DNAJC24: variants seen among roughly 807,000 people sequenced by gnomAD.
DNAJC24 encodes the protein DnaJ heat shock protein family (Hsp40) member C24.
In DNAJC24, 17 loss-of-function variants were observed where a neutral mutation model predicts 18.0. That is an observed-to-expected ratio of 0.94 (90% CI 0.65 to 1.42). The LOEUF (loss-of-function observed/expected upper bound fraction) is 1.42, where lower values mean the gene tolerates loss of function less well. DNAJC24 is among the 40% of genes most tolerant of loss of function. The pLI, the probability that DNAJC24 is intolerant of heterozygous loss-of-function variation, is 0.00. For synonymous variants in DNAJC24, 55 were observed against 57.7 expected, an observed-to-expected ratio of 0.95 and a Z score of 0.21; for missense variants, 158 against 175.6, an observed-to-expected ratio of 0.90 and a Z score of 0.57.
At chr11:31,373,308 G>A (rs1433455950) in intron 2 of DNAJC24, among the ~76,000 whole-genome samples, 1 of 134,334 alleles carries the variant, frequency 7.4e-6, no homozygotes, top group Non-Finnish European at 1.7e-5. Flanking sequence ...TTAGACTTAT[G>A]ATTTCTGTGT....
intron 3 of DNAJC24, among the ~76,000 whole-genome samples, chr11:31,421,769 C>A (rs548605862): frequency 6.6e-6 from 1 of 152,070 alleles, no homozygotes; most frequent in Non-Finnish European, 1.5e-5. Flanking sequence ...GACAGGAATT[C>A]CATTGTCTTG....
At chr11:31,378,563 A>G (rs1952342409) in intron 2 of DNAJC24, among the ~76,000 whole-genome samples, 1 of 152,210 alleles carries the variant, frequency 6.6e-6, no homozygotes, top group Admixed American at 6.5e-5. Context: ...ATTAAGTAAC[A>G]TACTGACTAG....
intron 2 of DNAJC24, chr11:31,384,986 A>AG (rs546379021): frequency 1.9e-3 from 294 of 152,306 alleles, no homozygotes; most frequent in African/African-American, 6.7e-3. Context: ...GAAAATTATA[A>AG]GGGAAAAAAA....
At chr11:31,384,776 T>A (rs1952411910) in intron 2 of DNAJC24, 1 of 152,194 alleles carries the variant, frequency 6.6e-6, no homozygotes, top group Non-Finnish European at 1.5e-5. Context: ...GTGTGGAACA[T>A]TTTTCTCTTG....
chr11:31,372,194 T>C (rs1002207401), intron 2 of DNAJC24, among the ~76,000 whole-genome samples: 3 of 152,154 alleles, frequency 2.0e-5, no homozygotes, highest in Non-Finnish European at 4.4e-5. Context: ...ATTTTTTCAA[T>C]CTGTATTGTG....
chr11:31,387,961 TTCATATCCTGAAGAATTCA>T (rs1406978724), intron 2 of DNAJC24, among the ~76,000 whole-genome samples: 2 of 152,122 alleles, frequency 1.3e-5, no homozygotes, highest in Non-Finnish European at 2.9e-5. Flanking sequence ...ACAAATGGAA[TTCATATCCTGAAGAATTCA>T]TCAGCATATC....
intron 2 of DNAJC24, among the ~76,000 whole-genome samples, chr11:31,407,220 CAG>C (rs1028608314): frequency 1.3e-5 from 2 of 152,138 alleles, no homozygotes; most frequent in African/African-American, 4.8e-5. Context: ...TCTGTGTAAT[CAG>C]ATTTGCCCAG....
chr11:31,382,081 A>G (rs1405488709), intron 2 of DNAJC24, among the ~76,000 whole-genome samples: 2 of 152,184 alleles, frequency 1.3e-5, no homozygotes, highest in Non-Finnish European at 2.9e-5. Context: ...CTGTTTTTCT[A>G]GGAACTGTTT....
In DNAJC24 at chr11:31,425,701, G is replaced by A. The variant is rs927464060; in HGVS notation, c.251-586G>A. Among the ~76,000 whole-genome samples the A allele has an allele frequency of 3.3e-5, 5 of 152,098 alleles. No homozygotes were observed. In the South Asian group the frequency reaches 1.0e-3, roughly 32 times the overall value. The stretch of plus-strand genomic sequence containing the variant: ...ATTTAACGTTAATTACCTCCTAAAA[G>A]CCCTATGTCCAAGAACAGTCAAATT... On this transcript the variant is annotated intron_variant, in intron 3 of 4. Coordinates refer to ENST00000465995, the MANE Select transcript of DNAJC24 (RefSeq NM_181706.5).
At chr11:31,401,013 A>G (rs2133485467) in intron 2 of DNAJC24, among the ~76,000 whole-genome samples, 1 of 152,338 alleles carries the variant, frequency 6.6e-6, no homozygotes, top group East Asian at 1.9e-4. Flanking sequence ...ATCTACAAGG[A>G]ACATCAATAA....
At chr11:31,381,600 A>G (rs138944123) in intron 2 of DNAJC24, among the ~76,000 whole-genome samples, 43,203 of 145,404 alleles carry the variant, frequency 0.3, 7,005 homozygotes, top group Non-Finnish European at 0.36. Flanking sequence ...TTTGAGATGG[A>G]GTCTTGCTCT....
At chr11:31,390,395 C>CAAAAAAA (rs370680501) in intron 2 of DNAJC24, among the ~76,000 whole-genome samples, 1 of 48,570 alleles carries the variant, frequency 2.1e-5, no homozygotes, top group African/African-American at 8.6e-5. Context: ...GACTCTATCT[C>CAAAAAAA]AAAAAAAAAA....
intron 2 of DNAJC24, among the ~76,000 whole-genome samples, chr11:31,393,636 A>G (rs1390998370): frequency 6.6e-6 from 1 of 152,092 alleles, no homozygotes; most frequent in East Asian, 1.9e-4. Flanking sequence ...GCATGGTGTC[A>G]TCTCGGAAGC....
intron 2 of DNAJC24, among the ~76,000 whole-genome samples, chr11:31,390,804 C>G (rs1202556974): frequency 1.3e-5 from 2 of 151,622 alleles, no homozygotes; most frequent in Non-Finnish European, 2.9e-5. Context: ...AGAACTAATA[C>G]CAATCCTACT....
chr11:31,417,394 G>T (rs112946546), intron 3 of DNAJC24: 1 of 151,776 alleles, frequency 6.6e-6, no homozygotes, highest in Non-Finnish European at 1.5e-5. Flanking sequence ...TCAGTAAAAT[G>T]GCTCCTCAAA....
At chr11:31,415,018 G>C in intron 3 of DNAJC24, 69 bp downstream of exon 3, 1 of 1,531,052 alleles carries the variant, frequency 6.5e-7, no homozygotes, top group Non-Finnish European at 8.8e-7. Context: ...AGCCATTCCT[G>C]GGGAGCATTT....
chr11:31,371,674 C>A (rs1169238464), intron 2 of DNAJC24, among the ~76,000 whole-genome samples: 1 of 151,890 alleles, frequency 6.6e-6, no homozygotes, highest in Non-Finnish European at 1.5e-5. Context: ...AATATGCATG[C>A]ATGTATTTGC....
intron 1 of DNAJC24, 82 bp from the exon 2 acceptor site, chr11:31,370,634 A>T (rs1334707216): frequency 1.6e-5 from 9 of 579,538 alleles, no homozygotes; most frequent in Non-Finnish European, 2.4e-5. Flanking sequence ...ACTAAATACT[A>T]AAGAATTTAC....
chr11:31,423,322 G>A (rs1015874535), intron 3 of DNAJC24, among the ~76,000 whole-genome samples: 24 of 152,044 alleles, frequency 1.6e-4, no homozygotes, highest in African/African-American at 5.1e-4. Context: ...GTGCAATGGC[G>A]GGATCTCGAC....
Sources: allele counts gnomAD v4.1 joint callset (sites outside exome capture counted in the v4.1 genomes callset), GRCh38; gene constraint gnomAD v4.1.1; transcripts MANE v1.5; gene names NCBI Gene and HGNC (gene_info 2026-07-23, HGNC 2026-07-21).